Variants in ASIP observed in about 807,000 individuals in gnomAD.
ASIP encodes agouti signaling protein.
A neutral mutation model predicts 10.3 loss-of-function variants in ASIP; 11 were observed. The ratio of observed to expected loss-of-function variants is 1.07; its 90% CI spans 0.68 to 1.78. The LOEUF (loss-of-function observed/expected upper bound fraction) is 1.78, where lower values mean the gene tolerates loss of function less well. ASIP is among the 40% of genes most tolerant of loss of function. ASIP has a pLI of 0.00. For missense variants in ASIP, 180 were observed against 169.2 expected, an observed-to-expected ratio of 1.06 and a Z score of -0.35; for synonymous variants, 70 against 70.8, an observed-to-expected ratio of 0.99 and a Z score of 0.06.
chr20:34,204,301 A>G (rs1211080298), intron 1 of ASIP, among the ~76,000 whole-genome samples: 1 of 150,722 alleles, frequency 6.6e-6, no homozygotes, highest in Non-Finnish European at 1.5e-5. Flanking sequence ...GCTCGCCGCA[A>G]CCTCCGCCTC....
chr20:34,195,808 TG>T (rs1422324369), intron 1 of ASIP, among the ~76,000 whole-genome samples: 3 of 151,830 alleles, frequency 2.0e-5, no homozygotes, highest in Non-Finnish European at 4.4e-5. Context: ...TTGTTTTGTT[TG>T]TTTTTTTTGC....
chr20:34,203,300 T>C (rs899821519), intron 1 of ASIP, among the ~76,000 whole-genome samples: 26 of 152,064 alleles, frequency 1.7e-4, no homozygotes, highest in African/African-American at 5.6e-4. Context: ...AATTTTTTGA[T>C]GTTTTATAGT....
chr20:34,262,352 T>C (rs2035708011), intron 2 of ASIP, among the ~76,000 whole-genome samples: 1 of 152,242 alleles, frequency 6.6e-6, no homozygotes, highest in African/African-American at 2.4e-5. Context: ...AGTCATTATA[T>C]TGGCAGAGTC....
chr20:34,212,138 T>G (rs2034978902), intron 1 of ASIP, among the ~76,000 whole-genome samples: 1 of 152,194 alleles, frequency 6.6e-6, no homozygotes, highest in Non-Finnish European at 1.5e-5. Flanking sequence ...ATTTCACCAA[T>G]TCTGCTTTAA....
At chr20:34,221,741 T>C (rs918195073) in intron 1 of ASIP, among the ~76,000 whole-genome samples, 1 of 152,176 alleles carries the variant, frequency 6.6e-6, no homozygotes, top group African/African-American at 2.4e-5. Flanking sequence ...AAGGTGTGTG[T>C]GAGCCTAATT....
In ASIP at chr20:34,248,723, C is replaced by T. The variant is rs183302462; in HGVS notation, c.-11+7234C>T. On this transcript the variant is annotated intron_variant, in intron 1 of 3. Transcript: ENST00000374954. ...GCTGATGTGGGAGGATTGCTTGAGC[C>T]CAGGAGGTCAAGGCTGCAGTGAGCT... Among the ~76,000 whole-genome samples, 930 of 151,944 alleles carry T rather than the reference C, an allele frequency of 6.1e-3. 4 individuals carry two copies. The highest frequency in any genetic ancestry group is 0.017 in the Middle Eastern group (5 of 294).
chr20:34,258,157 G>A (rs1405781634), intron 1 of ASIP, among the ~76,000 whole-genome samples: 1 of 151,278 alleles, frequency 6.6e-6, no homozygotes, highest in Non-Finnish European at 1.5e-5. Flanking sequence ...AAAAAAAAGA[G>A]AGAAAGAAAG....
chr20:34,202,688 C>G (rs903975055), intron 1 of ASIP, among the ~76,000 whole-genome samples: 12 of 151,574 alleles, frequency 7.9e-5, no homozygotes, highest in Non-Finnish European at 8.8e-5. Flanking sequence ...ATTAGTCTGT[C>G]TTTCTGCCAC....
chr20:34,261,093 C>T (rs1157057588), intron 2 of ASIP, among the ~76,000 whole-genome samples: 4 of 152,212 alleles, frequency 2.6e-5, no homozygotes, highest in Non-Finnish European at 5.9e-5. Context: ...GTAACTAGCA[C>T]GGATCACACA....
intron 3 of ASIP, among the ~76,000 whole-genome samples, chr20:34,266,624 GATGGCA>G (rs2035791146): frequency 2.0e-5 from 3 of 152,060 alleles, no homozygotes; most frequent in Non-Finnish European, 2.9e-5. Context: ...AGTGAGCCGA[GATGGCA>G]CCACTACACT....
At chr20:34,256,948 G>A (rs1465521550) in intron 1 of ASIP, among the ~76,000 whole-genome samples, 5 of 151,954 alleles carry the variant, frequency 3.3e-5, no homozygotes, top group Admixed American at 6.6e-5. Context: ...TCCCTGCTAA[G>A]AGCCTTTTGT....
chr20:34,215,966 T>C, intron 1 of ASIP: 1 of 759,530 alleles, frequency 1.3e-6, no homozygotes, highest in Non-Finnish European at 2.4e-6. Context: ...TTTATAAACA[T>C]CTTCCCTATC....
intron 1 of ASIP, chr20:34,214,718 T>A: frequency 8.9e-7 from 1 of 1,126,402 alleles, no homozygotes; most frequent in Admixed American, 1.7e-5. Context: ...TCATCATAAG[T>A]CAATTTTTTC....
chr20:34,235,940 GGGAA>G (rs2035197090), intron 1 of ASIP, among the ~76,000 whole-genome samples: 1 of 130,454 alleles, frequency 7.7e-6, no homozygotes, highest in Non-Finnish European at 1.6e-5. Context: ...GCGGGAGGGA[GGGAA>G]GAAGGAAGGA....
chr20:34,206,814 T>A (rs2034940151), intron 1 of ASIP, among the ~76,000 whole-genome samples: 1 of 152,186 alleles, frequency 6.6e-6, no homozygotes, highest in African/African-American at 2.4e-5. Flanking sequence ...TCTCCTGACC[T>A]CGTGATCCAC....
upstream of ASIP, among the ~76,000 whole-genome samples, chr20:34,191,783 G>A (rs2034826040): frequency 7.1e-6 from 1 of 139,976 alleles, no homozygotes; most frequent in East Asian, 2.2e-4. Context: ...AGGCTGGAGA[G>A]CAATGGCACA....
At chr20:34,252,629 C>A (rs756374252) in intron 1 of ASIP, among the ~76,000 whole-genome samples, 26 of 152,110 alleles carry the variant, frequency 1.7e-4, no homozygotes, top group Non-Finnish European at 2.8e-4. Flanking sequence ...AGACAGATGC[C>A]TTCCTCTTAT....
intron 3 of ASIP, among the ~76,000 whole-genome samples, chr20:34,264,284 C>T (rs2035747390): frequency 6.6e-6 from 1 of 152,170 alleles, no homozygotes; most frequent in Admixed American, 6.5e-5. Flanking sequence ...GTACTACCAT[C>T]ATAATTGTGA....
At chr20:34,203,463 T>C (rs557260319) in intron 1 of ASIP, among the ~76,000 whole-genome samples, 1 of 152,162 alleles carries the variant, frequency 6.6e-6, no homozygotes, top group East Asian at 1.9e-4. Flanking sequence ...AGTGGCATGA[T>C]TTTGGCACAC....
Sources: gnomAD v4.1 joint callset for allele counts (sites outside exome capture counted in the v4.1 genomes callset) on GRCh38, gnomAD v4.1.1 for gene constraint, MANE v1.5 for transcripts, NCBI Gene and HGNC (gene_info 2026-07-23, HGNC 2026-07-21) for gene names.